VWDE: variants seen among roughly 807,000 people sequenced by gnomAD.
VWDE encodes the protein von Willebrand factor D and EGF domain-containing protein.
In VWDE, 207 loss-of-function variants were observed where a neutral mutation model predicts 178.4. That is an observed-to-expected ratio of 1.16 (90% CI 1.04 to 1.30). The LOEUF is 1.30. Among genes scored for constraint, VWDE ranks in the 50% most tolerant of loss-of-function variants. The pLI is 0.00. For synonymous variants in VWDE, 738 were observed against 651.4 expected, an observed-to-expected ratio of 1.13 and a Z score of -2.02; for missense variants, 2,287 against 1,901.3, an observed-to-expected ratio of 1.20 and a Z score of -3.77.
chr7:12,381,219 T>C (rs10499422), intron 4 of VWDE, among the ~76,000 whole-genome samples: 2,125 of 152,274 alleles, frequency 0.014, 60 homozygotes, highest in African/African-American at 0.046. Context: ...GATTATACTA[T>C]CTTAGTGAAA....
chr7:12,377,667 A>G, intron 7 of VWDE, 109 bp downstream of exon 7: 1 of 630,942 alleles, frequency 1.6e-6, no homozygotes, highest in Non-Finnish European at 2.3e-6. Flanking sequence ...TGATGTCAAC[A>G]TGCAACATGA....
chr7:12,340,204 A>C lies in VWDE; in HGVS notation c.4366+118T>G. The C allele has an allele frequency of 4.0e-6, 3 of 752,982 alleles. No homozygotes were observed. In the South Asian group the frequency reaches 6.1e-5, roughly 15 times the overall value. The allele number at this position is 752,982 out of a possible 1,614,324, so 46.6% of individuals were successfully genotyped here. ...TGGTGGGCATACTTGAAACATCGCA[A>C]GAATTCTGGGGAAAAAATCGCATCT... is the stretch of plus-strand genomic sequence containing the variant. On this transcript the variant is annotated intron_variant, in intron 24 of 28. Coordinates refer to ENST00000275358, the MANE Select transcript of VWDE (RefSeq NM_001135924.3).
intron 21 of VWDE, among the ~76,000 whole-genome samples, chr7:12,343,987 T>C (rs1043484207): frequency 1.3e-5 from 2 of 152,104 alleles, no homozygotes; most frequent in African/African-American, 4.8e-5. Context: ...TATTGCCCCT[T>C]GAATCTCTGA....
chr7:12,398,998 G>T (rs557858649), intron 1 of VWDE, among the ~76,000 whole-genome samples: 4 of 151,942 alleles, frequency 2.6e-5, no homozygotes, highest in African/African-American at 9.7e-5. Flanking sequence ...AGCATCATGC[G>T]ATGTACCTTT....
chr7:12,386,938 G>T (rs1456274335), intron 3 of VWDE, among the ~76,000 whole-genome samples: 3 of 152,180 alleles, frequency 2.0e-5, no homozygotes, highest in East Asian at 3.9e-4. Context: ...AATGATTAGT[G>T]CGTTATTATT....
intron 19 of VWDE, among the ~76,000 whole-genome samples, chr7:12,345,068 T>C (rs1464684135): frequency 6.6e-6 from 1 of 152,152 alleles, no homozygotes; most frequent in Non-Finnish European, 1.5e-5. Flanking sequence ...GTGGGGTTCA[T>C]GTGGATAATA....
intron 3 of VWDE, among the ~76,000 whole-genome samples, chr7:12,388,450 A>C (rs1461541464): frequency 6.6e-6 from 1 of 152,146 alleles, no homozygotes; most frequent in Non-Finnish European, 1.5e-5. Context: ...CCAACAACCA[A>C]AATGAGGGAA....
At chr7:12,352,173 G>GT (rs1417341706) in intron 18 of VWDE, among the ~76,000 whole-genome samples, 2 of 152,134 alleles carry the variant, frequency 1.3e-5, no homozygotes, top group Non-Finnish European at 2.9e-5. Context: ...AATTTCTGTT[G>GT]TTTATGCCCC....
chr7:12,339,441 C>G (rs957494094), intron 24 of VWDE, among the ~76,000 whole-genome samples: 3 of 152,116 alleles, frequency 2.0e-5, no homozygotes, highest in Non-Finnish European at 4.4e-5. Flanking sequence ...GTCTTTACTT[C>G]TTTCTGTTTC....
chr7:12,344,072 C>T (rs1020588906), intron 21 of VWDE, 123 bp downstream of exon 21: 2 of 642,362 alleles, frequency 3.1e-6, no homozygotes, highest in Non-Finnish European at 5.2e-6. Context: ...GAGTCCTATA[C>T]CAGCTTTGAT....
chr7:12,388,466 T>C (rs2128560645), intron 3 of VWDE, among the ~76,000 whole-genome samples: 1 of 152,282 alleles, frequency 6.6e-6, no homozygotes, highest in East Asian at 1.9e-4. Flanking sequence ...GGGAAGTTAT[T>C]CAAAATCTTT....
intron 17 of VWDE, among the ~76,000 whole-genome samples, chr7:12,356,722 G>T (rs1435180806): frequency 6.6e-6 from 1 of 152,182 alleles, no homozygotes; most frequent in Non-Finnish European, 1.5e-5. Flanking sequence ...ATAGAACGCA[G>T]CTGCTCTTAC....
intron 19 of VWDE, among the ~76,000 whole-genome samples, chr7:12,347,453 G>C (rs1317357481): frequency 6.6e-6 from 1 of 151,892 alleles, no homozygotes; most frequent in Non-Finnish European, 1.5e-5. Flanking sequence ...CAAAATACAA[G>C]AATCATGAGA....
chr7:12,337,148 G>C, intron 25 of VWDE, 29 bp downstream of exon 25: 1 of 1,550,694 alleles, frequency 6.4e-7, no homozygotes, highest in African/African-American at 1.4e-5. Flanking sequence ...TTTAGCTGTA[G>C]TTGACAAATA....
At chr7:12,358,328 C>A (rs1009686244) in intron 16 of VWDE, among the ~76,000 whole-genome samples, 3 of 149,610 alleles carry the variant, frequency 2.0e-5, no homozygotes, top group East Asian at 4.0e-4. Context: ...GAGCTGAGAT[C>A]GTGCCACTGC....
intron 2 of VWDE, among the ~76,000 whole-genome samples, 185 bp from the exon 3 acceptor site, chr7:12,389,543 T>C (rs1265728206): frequency 1.3e-5 from 2 of 152,156 alleles, no homozygotes; most frequent in African/African-American, 4.8e-5. Flanking sequence ...AGGGTACACA[T>C]CTCATAATTA....
chr7:12,356,236 A>G lies in VWDE; in HGVS notation c.3620T>C (p.Leu1207Ser). 1 of 1,551,682 alleles carries G rather than the reference A, an allele frequency of 6.4e-7. No individual in the cohort carries two copies. The highest frequency in any genetic ancestry group is 8.7e-7 in the Non-Finnish European group (1 of 1,146,994). The stretch of plus-strand genomic sequence containing the variant: ...ACAAAGGCTGCCATGGAAGCCAGGC[A>G]AGCAGACACACAGGTACACTCCACT... ...PGSGVYLCVC[L>S]PGFHGSLCEV... The change falls in exon 18 of 29, where the codon TTG becomes TCG. Residue 1207 changes from leucine (L) to serine (S), a missense_variant. By Grantham distance (145) the Leu-to-Ser change is moderately radical (BLOSUM62 -2). Transcript: ENST00000275358.
intron 27 of VWDE, among the ~76,000 whole-genome samples, chr7:12,334,903 A>G (rs77690941): frequency 0.011 from 1,638 of 152,294 alleles, 18 homozygotes; most frequent in African/African-American, 0.037. Flanking sequence ...CTAAATTCCA[A>G]TTGGAATTAT....
At chr7:12,368,679 A>G (rs1014714157) in intron 12 of VWDE, among the ~76,000 whole-genome samples, 3 of 152,144 alleles carry the variant, frequency 2.0e-5, no homozygotes, top group African/African-American at 7.2e-5. Context: ...CGAGCTATAT[A>G]AACACAGGAG....
Sources: allele counts gnomAD v4.1 joint callset (sites outside exome capture counted in the v4.1 genomes callset), GRCh38; gene constraint gnomAD v4.1.1; transcripts MANE v1.5; gene names NCBI Gene and HGNC (gene_info 2026-07-23, HGNC 2026-07-21).